Variants in NCOA1 observed in about 807,000 individuals in gnomAD.
NCOA1 encodes Hin-2 protein.
Under a neutral mutation model 150.9 loss-of-function variants are expected in NCOA1, and 35 were observed. The observed-to-expected ratio is 0.23, with a 90% CI of 0.18 to 0.31. The LOEUF (loss-of-function observed/expected upper bound fraction) is 0.31. Among genes scored for constraint, NCOA1 ranks in the 10% least tolerant of loss-of-function variants. NCOA1 has a pLI of 1.00. For synonymous variants in NCOA1, 590 were observed against 630.0 expected (o/e 0.94, Z 0.95); for missense variants, 1,491 against 1,749.3 (o/e 0.85, Z 2.63).
At position 24,651,081 on chromosome 2, in the gene NCOA1, C is replaced by G. The variant is rs547109222; in HGVS notation, c.-18+6959C>G. Among the ~76,000 whole-genome samples the G allele has an allele frequency of 1.9e-3, 287 of 152,008 alleles. 1 individual carries two copies. Among genetic ancestry groups the G allele is most frequent in the African/African-American group, 6.9e-3 (285 of 41,468 alleles). On this transcript the variant is annotated intron_variant, in intron 4 of 22. Transcript: ENST00000348332. ...GGCAAAGGTGTTGAGAAAAGGGAAC[C>G]CATGTACCCTTTTGATGGGAACTTA... is the stretch of plus-strand genomic sequence containing the variant.
At chr2:24,607,075 G>C (rs147063396) in intron 3 of NCOA1, among the ~76,000 whole-genome samples, 1 of 152,004 alleles carries the variant, frequency 6.6e-6, no homozygotes, top group Non-Finnish European at 1.5e-5. Context: ...AAGGAAAGTG[G>C]TACTATTTAA....
At position 24,707,633 on chromosome 2, in the gene NCOA1, G is replaced by A. The variant is rs771927373; in HGVS notation, c.2163G>A (p.Val721=). 2.0e-5 allele frequency: 32 copies of A among 1,614,068 alleles called. No homozygotes were observed. The highest frequency in any genetic ancestry group is 2.6e-5 in the Non-Finnish European group (31 of 1,180,042). ...ACAGTGCATCTACTTCTGTGTCAGT[G>A]ACTGGACAGGTACAAGGAAACTCCA... is the stretch of plus-strand genomic sequence containing the variant. ...KKDSASTSVS[V]TGQVQGNSSI... is the part of the protein sequence containing the mutation. The change falls in exon 13 of 23, where the codon GTG becomes GTA. Residue 721 remains valine, a synonymous_variant. Coordinates refer to ENST00000348332, the MANE Select transcript of NCOA1 (RefSeq NM_003743.5).
chr2:24,760,637 T>C (rs1440614409), intron 21 of NCOA1, among the ~76,000 whole-genome samples: 2 of 152,108 alleles, frequency 1.3e-5, no homozygotes, highest in African/African-American at 2.4e-5. Flanking sequence ...CTGCTGTCAT[T>C]TTATCTTTGT....
intron 19 of NCOA1, among the ~76,000 whole-genome samples, chr2:24,748,616 CAAAA>C (rs60280796): frequency 2.9e-5 from 3 of 103,808 alleles, no homozygotes; most frequent in Non-Finnish European, 4.0e-5. Flanking sequence ...AACTCGGTCT[CAAAA>C]AAAAAAAAAA....
chr2:24,741,147 G>T (rs954501821), intron 18 of NCOA1, among the ~76,000 whole-genome samples: 3 of 151,714 alleles, frequency 2.0e-5, no homozygotes, highest in African/African-American at 7.3e-5. Flanking sequence ...CTTTTTTAAT[G>T]GTATTTGTAG....
intron 3 of NCOA1, among the ~76,000 whole-genome samples, chr2:24,627,052 G>C (rs1669444931): frequency 1.3e-5 from 2 of 150,588 alleles, no homozygotes; most frequent in Admixed American, 1.3e-4. Flanking sequence ...GAAATAAAAA[G>C]CAAATGTTTT....
At chr2:24,514,290 A>AC (rs1664063549) in intron 1 of NCOA1, among the ~76,000 whole-genome samples, 2 of 149,970 alleles carry the variant, frequency 1.3e-5, no homozygotes, top group Non-Finnish European at 3.0e-5. Flanking sequence ...TGTCTCAAAA[A>AC]AAAAAAAAAA....
intron 3 of NCOA1, among the ~76,000 whole-genome samples, chr2:24,609,096 G>A (rs1281206972): frequency 6.6e-6 from 1 of 152,114 alleles, no homozygotes; most frequent in Non-Finnish European, 1.5e-5. Flanking sequence ...ATTGTTGTTT[G>A]AAAGCAAGTT....
intron 8 of NCOA1, among the ~76,000 whole-genome samples, chr2:24,686,327 C>T (rs1205979303): frequency 2.0e-5 from 3 of 152,104 alleles, no homozygotes; most frequent in Non-Finnish European, 4.4e-5. Flanking sequence ...TGAATTGTAG[C>T]TAAACTGCTA....
At chr2:24,606,063 A>G (rs969116532) in intron 3 of NCOA1, among the ~76,000 whole-genome samples, 4 of 152,182 alleles carry the variant, frequency 2.6e-5, no homozygotes, top group Non-Finnish European at 5.9e-5. Context: ...TTATGAAGCA[A>G]GGAGGTTCTC....
At chr2:24,582,145 T>C (rs1005315367) in intron 2 of NCOA1, among the ~76,000 whole-genome samples, 9 of 152,146 alleles carry the variant, frequency 5.9e-5, no homozygotes, top group Non-Finnish European at 7.4e-5. Flanking sequence ...GGCATCTACA[T>C]TGGAAAAGAG....
intron 1 of NCOA1, among the ~76,000 whole-genome samples, chr2:24,494,834 T>G (rs928889751): frequency 4.6e-5 from 7 of 152,210 alleles, no homozygotes; most frequent in African/African-American, 1.7e-4. Flanking sequence ...AAGACTAGAC[T>G]GTAGGAAAGG....
intron 11 of NCOA1, among the ~76,000 whole-genome samples, chr2:24,700,692 C>G (rs1276911875): frequency 1.3e-5 from 2 of 152,018 alleles, no homozygotes; most frequent in Non-Finnish European, 2.9e-5. Context: ...GAAAAAGTTC[C>G]CAGGTTCTGT....
At chr2:24,631,320 T>G (rs556249689) in intron 3 of NCOA1, among the ~76,000 whole-genome samples, 2 of 152,300 alleles carry the variant, frequency 1.3e-5, no homozygotes, top group South Asian at 4.1e-4. Context: ...TTGACTAGCT[T>G]TATTCTTTTC....
At chr2:24,689,933 A>C (rs1404865298) in intron 8 of NCOA1, among the ~76,000 whole-genome samples, 1 of 152,208 alleles carries the variant, frequency 6.6e-6, no homozygotes, top group Non-Finnish European at 1.5e-5. Flanking sequence ...CCAGACATGC[A>C]TATAAAAATG....
At chr2:24,576,356 C>T (rs541496104) in intron 2 of NCOA1, among the ~76,000 whole-genome samples, 1 of 151,926 alleles carries the variant, frequency 6.6e-6, no homozygotes, top group African/African-American at 2.4e-5. Context: ...GCCTTGGCCC[C>T]ACTAAGTGTC....
chr2:24,554,797 T>C (rs759788640), intron 1 of NCOA1, among the ~76,000 whole-genome samples: 1 of 152,166 alleles, frequency 6.6e-6, no homozygotes, highest in African/African-American at 2.4e-5. Flanking sequence ...GCTGTGTTTT[T>C]AATTGGCTGA....
intron 3 of NCOA1, among the ~76,000 whole-genome samples, chr2:24,603,802 A>G (rs921777722): frequency 6.6e-6 from 1 of 152,210 alleles, no homozygotes; most frequent in Non-Finnish European, 1.5e-5. Context: ...GCTCCTGTTA[A>G]TGTTGATATT....
chr2:24,691,559 C>T lies in NCOA1; in HGVS notation c.611C>T (p.Pro204Leu). ...AACTGCAGGATGCTAATTCACCCTC[C>T]AGATGAGCCAGGGACCGAGAACCAA... ...TFNCRMLIHP[P>L]DEPGTENQEA... The change falls in exon 9 of 23, where the codon CCA (proline) becomes CTA (leucine). Residue 204 changes from proline to leucine, a missense_variant. By Grantham distance (98) the Pro-to-Leu change is moderately conservative (BLOSUM62 -3). This residue lies in a region of NCOA1 where 99 missense variants were observed against 122.8 expected (regional missense o/e 0.81). Coordinates refer to ENST00000348332, the MANE Select transcript of NCOA1 (RefSeq NM_003743.5). The T allele has an allele frequency of 6.2e-7, 1 of 1,614,132 alleles. No homozygotes were observed. The highest frequency in any genetic ancestry group is 8.5e-7 in the Non-Finnish European group (1 of 1,180,006).
Sources: gnomAD v4.1 joint callset for allele counts (sites outside exome capture counted in the v4.1 genomes callset) on GRCh38, gnomAD v4.1.1 for gene constraint, gnomAD v4.1.1 regional missense constraint, MANE v1.5 for transcripts, NCBI Gene and HGNC (gene_info 2026-07-23, HGNC 2026-07-21) for gene names.